PRDM16: variants seen among roughly 807,000 people sequenced by gnomAD.
PRDM16 encodes histone-lysine N-methyltransferase PRDM16.
PRDM16 carries 23 observed loss-of-function variants against 110.6 expected under a neutral mutation model. The observed-to-expected ratio is 0.21, with a 90% CI of 0.15 to 0.29. The LOEUF is 0.29. Among genes scored for constraint, PRDM16 ranks in the 10% least tolerant of loss-of-function variants. PRDM16 has a pLI of 1.00. For synonymous variants in PRDM16, 799 were observed against 781.8 expected, an observed-to-expected ratio of 1.02 and a Z score of -0.37; for missense variants, 1,615 against 1,794.3, an observed-to-expected ratio of 0.90 and a Z score of 1.81.
intron 3 of PRDM16, among the ~76,000 whole-genome samples, chr1:3,313,312 G>A (rs1012524223): frequency 2.6e-5 from 4 of 152,240 alleles, no homozygotes; most frequent in East Asian, 1.9e-4. Flanking sequence ...AGTCAGCGCC[G>A]AGCGGTGAGT....
chr1:3,359,965 T>A lies in PRDM16; in HGVS notation c.439-25187T>A, dbSNP rs1642683156. On this transcript the variant is annotated intron_variant, in intron 3 of 16. Coordinates refer to ENST00000270722, the MANE Select transcript of PRDM16 (RefSeq NM_022114.4). This position sits in a 1 kb window ranked among gnomAD's most constrained non-coding sequence, Gnocchi z 4.3. ...GGCCGCCCGGCTCAGAACAGGTCCC[T>A]TCAGCCGGCTCAGCAGCCAGTGAGA... is the stretch of plus-strand genomic sequence containing the variant. Among the ~76,000 whole-genome samples the A allele has an allele frequency of 6.6e-6, 1 of 152,330 alleles. No individual in the cohort carries two copies. Among genetic ancestry groups the A allele is most frequent in the South Asian group, 2.1e-4 (1 of 4,826 alleles).
intron 7 of PRDM16, 64 bp downstream of exon 7, chr1:3,404,950 C>T (rs2100646520): frequency 6.5e-7 from 1 of 1,544,308 alleles, no homozygotes; most frequent in South Asian, 1.2e-5. Flanking sequence ...GGGCGCCCGC[C>T]CCCGTGCTCC....
chr1:3,209,325 C>T lies in PRDM16; in HGVS notation c.387+22851C>T, dbSNP rs994828066. On this transcript the variant is annotated intron_variant, in intron 2 of 16. Transcript: ENST00000270722. The surrounding 1 kb of genome is among the most constrained non-coding windows in gnomAD (Gnocchi z 4.6). ...AACTGTGGGCAGGGACAGCACTGCACGTTTGACATCGGGGCACGCAGCTCC... is the reference window on the plus strand; with the variant it reads ...AACTGTGGGCAGGGACAGCACTGCATGTTTGACATCGGGGCACGCAGCTCC... Among the ~76,000 whole-genome samples, 1 of 152,214 alleles carries T rather than the reference C, an allele frequency of 6.6e-6. No homozygotes were observed. Among genetic ancestry groups the T allele is most frequent in the East Asian group, 1.9e-4 (1 of 5,196 alleles).
chr1:3,285,773 C>A (rs1312663180), intron 3 of PRDM16, among the ~76,000 whole-genome samples: 10 of 152,112 alleles, frequency 6.6e-5, no homozygotes, highest in East Asian at 3.9e-4. Context: ...GGAAAGCCCC[C>A]CCACCACCGG....
At chr1:3,270,642 G>C (rs1422306483) in intron 3 of PRDM16, among the ~76,000 whole-genome samples, 3 of 138,232 alleles carry the variant, frequency 2.2e-5, no homozygotes, top group Non-Finnish European at 3.0e-5. Flanking sequence ...GGGTAGGACA[G>C]TCCCAGAGGA....
At chr1:3,139,541 G>C (rs372298141) in intron 1 of PRDM16, among the ~76,000 whole-genome samples, 3 of 152,268 alleles carry the variant, frequency 2.0e-5, no homozygotes, top group Non-Finnish European at 4.4e-5. Context: ...TGCCGCATCC[G>C]GGGGTGCTCG....
intron 1 of PRDM16, among the ~76,000 whole-genome samples, chr1:3,133,913 C>T (rs1016258951): frequency 6.6e-5 from 10 of 152,246 alleles, no homozygotes; most frequent in African/African-American, 2.4e-4. Context: ...CCTCGCCTTG[C>T]TCAAAACAAA....
intron 2 of PRDM16, among the ~76,000 whole-genome samples, chr1:3,227,945 C>T (rs1032832086): frequency 2.0e-5 from 3 of 152,240 alleles, no homozygotes; most frequent in Admixed American, 6.5e-5. Context: ...GTCGAGTTTG[C>T]TCTTCCTCCA....
chr1:3,337,994 CACAT>C (rs1400411723), intron 3 of PRDM16, among the ~76,000 whole-genome samples: 3 of 152,234 alleles, frequency 2.0e-5, no homozygotes, highest in Non-Finnish European at 4.4e-5. Flanking sequence ...TACACAAAAA[CACAT>C]GCACACAAAT....
intron 3 of PRDM16, among the ~76,000 whole-genome samples, chr1:3,289,441 C>G (rs1640925150): frequency 6.6e-6 from 1 of 152,262 alleles, no homozygotes; most frequent in South Asian, 2.1e-4. Context: ...GAGTTCCCAC[C>G]TGCAGCTTCC....
chr1:3,412,850 G>T (rs1057017335), intron 9 of PRDM16, 50 bp downstream of exon 9: 4 of 1,384,066 alleles, frequency 2.9e-6, no homozygotes, highest in Non-Finnish European at 3.8e-6. Flanking sequence ...GGGCCGCGGC[G>T]GTGCTGGGCG....
intron 1 of PRDM16, among the ~76,000 whole-genome samples, chr1:3,077,772 G>C (rs4648359): frequency 0.5 from 75,661 of 151,988 alleles, 19,427 homozygotes; most frequent in East Asian, 0.87. Flanking sequence ...CCCGTGCGTG[G>C]ACCACCAGCA....
chr1:3,386,063 C>T (rs1643190313), intron 4 of PRDM16, among the ~76,000 whole-genome samples: 1 of 152,204 alleles, frequency 6.6e-6, no homozygotes, highest in Admixed American at 6.5e-5. Flanking sequence ...TTGCGAGTGG[C>T]CCCTGGAGGC....
At chr1:3,174,871 G>A (rs1277065048) in intron 1 of PRDM16, among the ~76,000 whole-genome samples, 1 of 152,210 alleles carries the variant, frequency 6.6e-6, no homozygotes, top group Admixed American at 6.5e-5. Context: ...GTTTGAGATA[G>A]AAACGGCAAT....
At chr1:3,363,861 C>G (rs984099492) in intron 3 of PRDM16, among the ~76,000 whole-genome samples, 4 of 152,160 alleles carry the variant, frequency 2.6e-5, no homozygotes, top group Non-Finnish European at 4.4e-5. Flanking sequence ...AACACGGGCC[C>G]GCTGCAGCTC....
chr1:3,234,478 G>A (rs1056689015), intron 2 of PRDM16, among the ~76,000 whole-genome samples: 2 of 152,202 alleles, frequency 1.3e-5, no homozygotes, highest in African/African-American at 4.8e-5. Flanking sequence ...GTGCCTCGAG[G>A]CCCAGGTATC....
chr1:3,188,470 G>A (rs985632327), intron 2 of PRDM16, among the ~76,000 whole-genome samples: 7 of 152,360 alleles, frequency 4.6e-5, no homozygotes, highest in Admixed American at 3.3e-4. Context: ...ACTTTGTGGT[G>A]TGTTTATCCC....
At position 3,385,170 on chromosome 1, in the gene PRDM16, A is replaced by G; in HGVS notation, c.457A>G (p.Ser153Gly). Reference sequence around the variant, plus strand: ...CCAGCAGATCTCCGAAGACCTGGGCAGTGAGAAGTTCTGCGTGGATGCAAA... The same window carrying G: ...CCAGCAGATCTCCGAAGACCTGGGCGGTGAGAAGTTCTGCGTGGATGCAAA... ...CITKISEDLG[S>G]EKFCVDANQA... Residue 153 changes from serine (S) to glycine (G), a missense_variant, in exon 4 of 17, where the codon AGT becomes GGT. Transcript: ENST00000270722. 1 of 1,613,612 alleles carries G rather than the reference A, an allele frequency of 6.2e-7. No individual in the cohort carries two copies.
chr1:3,396,685 T>C, intron 5 of PRDM16, 92 bp downstream of exon 5: 1 of 622,020 alleles, frequency 1.6e-6, no homozygotes, highest in African/African-American at 1.8e-5. Context: ...CGAGGGCCTC[T>C]CATCACCTCA....
Sources: gnomAD v4.1 joint callset for allele counts (sites outside exome capture counted in the v4.1 genomes callset) on GRCh38, gnomAD v4.1.1 for gene constraint, Gnocchi (gnomAD v3.1) non-coding constraint, MANE v1.5 for transcripts, NCBI Gene and HGNC (gene_info 2026-07-23, HGNC 2026-07-21) for gene names.